Variants in MTA1 observed in about 807,000 individuals in gnomAD.
MTA1 encodes the protein metastasis associated 1, also known as metastasis-associated protein MTA1.
In MTA1, 15 loss-of-function variants were observed where a neutral mutation model predicts 97.0. The observed-to-expected ratio is 0.15, with a 90% CI of 0.10 to 0.24. The LOEUF (loss-of-function observed/expected upper bound fraction) is 0.24, where lower values mean the gene tolerates loss of function less well. MTA1 is among the 10% of genes least tolerant of loss of function. The pLI, the probability that MTA1 is intolerant of heterozygous loss-of-function variation, is 1.00. For synonymous variants in MTA1, 435 were observed against 417.5 expected (o/e 1.04, Z -0.51); for missense variants, 709 against 1,015.1 (o/e 0.70, Z 4.10).
intron 1 of MTA1, among the ~76,000 whole-genome samples, chr14:105,432,433 G>T (rs2082203876): frequency 6.6e-6 from 1 of 152,036 alleles, no homozygotes; most frequent in African/African-American, 2.4e-5. Context: ...TGGAGATGAG[G>T]TTTCACCATG....
At chr14:105,458,587 G>C (rs587749800) in intron 8 of MTA1, among the ~76,000 whole-genome samples, 38 of 152,270 alleles carry the variant, frequency 2.5e-4, no homozygotes, top group South Asian at 1.9e-3. Context: ...CGGCCCTTCT[G>C]GGGGGCAGGC....
intron 2 of MTA1, among the ~76,000 whole-genome samples, chr14:105,444,993 G>T (rs146973637): frequency 1.3e-5 from 2 of 152,108 alleles, no homozygotes; most frequent in African/African-American, 4.8e-5. Context: ...GGTCCCATGC[G>T]GGGGGTCCAG....
At chr14:105,445,577 CCTT>C (rs1408056919) in intron 3 of MTA1, 66 bp downstream of exon 3, 80 of 1,536,202 alleles carry the variant, frequency 5.2e-5, no homozygotes, top group Non-Finnish European at 7.1e-5. Context: ...CTGGCGGGGT[CCTT>C]CTTCCCTAGG....
At chr14:105,428,925 A>G (rs1396641426) in intron 1 of MTA1, among the ~76,000 whole-genome samples, 2 of 151,942 alleles carry the variant, frequency 1.3e-5, no homozygotes, top group African/African-American at 2.4e-5. Context: ...GGGTCTCACT[A>G]TGTTGCCCAC....
In MTA1 at chr14:105,426,268, G is replaced by A. The variant is rs1481451986; in HGVS notation, c.28+6205G>A. ...GGGAGGAAACCAGGGCAGCGGCAGC[G>A]GCTCCTGGTACCAAGCATACCTTAA... is the stretch of plus-strand genomic sequence containing the variant. On this transcript the variant is annotated intron_variant, in intron 1 of 20. Coordinates refer to ENST00000331320, the MANE Select transcript of MTA1 (RefSeq NM_004689.4). Among the ~76,000 whole-genome samples the A allele has an allele frequency of 6.6e-5, 10 of 151,964 alleles. No individual in the cohort carries two copies. In the East Asian group the frequency reaches 1.2e-3, roughly 18 times the overall value.
rs2081871351 is a variant in MTA1 at position 105,422,383 on chromosome 14, G to C, written c.28+2320G>C. 6.6e-6 allele frequency among the ~76,000 whole-genome samples: 1 copy of C among 152,156 alleles called. No individual in the cohort carries two copies. Among genetic ancestry groups the C allele is most frequent in the Non-Finnish European group, 1.5e-5 (1 of 68,030 alleles). ...CAGACAAGAAAGAGGAAGGTGTGCA[G>C]TGTCTCCTGAGCAGCCTTTGTCCGT... On this transcript the variant is annotated intron_variant, in intron 1 of 20. Coordinates refer to ENST00000331320, the MANE Select transcript of MTA1 (RefSeq NM_004689.4). This position sits in a 1 kb window ranked among gnomAD's most constrained non-coding sequence, Gnocchi z 4.3.
intron 1 of MTA1, among the ~76,000 whole-genome samples, chr14:105,427,976 C>A (rs1555422583): frequency 7.0e-6 from 1 of 142,222 alleles, no homozygotes; most frequent in African/African-American, 2.7e-5. Context: ...GGAGATCGCA[C>A]CACTGTACCC....
intron 18 of MTA1, chr14:105,468,133 G>T (rs2083673989): frequency 2.5e-6 from 1 of 392,242 alleles, no homozygotes; most frequent in Non-Finnish European, 5.0e-6. Flanking sequence ...CACGAGGTGG[G>T]GTCTCTGTCC....
intron 2 of MTA1, among the ~76,000 whole-genome samples, chr14:105,442,614 C>T (rs587712224): frequency 1.1e-4 from 17 of 152,312 alleles, no homozygotes; most frequent in South Asian, 2.1e-4. Context: ...GTGGCCTCAC[C>T]GCCTTTACCT....
chr14:105,431,067 A>G (rs1045063909), intron 1 of MTA1, among the ~76,000 whole-genome samples: 1 of 152,212 alleles, frequency 6.6e-6, no homozygotes, highest in Admixed American at 6.5e-5. Flanking sequence ...ACCAGCAGCC[A>G]GTCGGTTATC....
intron 3 of MTA1, among the ~76,000 whole-genome samples, chr14:105,448,468 C>T (rs1036596562): frequency 1.3e-5 from 2 of 152,174 alleles, no homozygotes; most frequent in Admixed American, 6.5e-5. Context: ...ATAGGGCGGG[C>T]GTGAACAAAA....
intron 6 of MTA1, among the ~76,000 whole-genome samples, chr14:105,451,755 C>CT (rs1222730503): frequency 1.3e-5 from 2 of 150,638 alleles, no homozygotes; most frequent in Non-Finnish European, 2.9e-5. Context: ...CGATGCAGCC[C>CT]TTCCCCCCTT....
At chr14:105,468,066 C>G (rs1253024796) in intron 18 of MTA1, 1 of 351,046 alleles carries the variant, frequency 2.8e-6, no homozygotes, top group Non-Finnish European at 5.7e-6. Flanking sequence ...GCGGCCAGGA[C>G]CTGGGCGCTG....
chr14:105,450,911 G>A (rs186449167), intron 6 of MTA1, among the ~76,000 whole-genome samples: 2 of 152,354 alleles, frequency 1.3e-5, no homozygotes, highest in East Asian at 3.9e-4. Context: ...TCCAGCGAAC[G>A]GGAGGGTTGG....
chr14:105,431,941 A>T (rs1240127671), intron 1 of MTA1, among the ~76,000 whole-genome samples: 1 of 152,128 alleles, frequency 6.6e-6, no homozygotes, highest in African/African-American at 2.4e-5. Context: ...AAAGTATTTG[A>T]GTCTGTCATG....
intron 18 of MTA1, chr14:105,468,474 C>A: frequency 1.1e-6 from 1 of 933,088 alleles, no homozygotes. Flanking sequence ...CCCACCTGAC[C>A]CTGCCCGGCA....
chr14:105,441,747 TC>T (rs1313770640), intron 2 of MTA1, among the ~76,000 whole-genome samples: 2 of 151,838 alleles, frequency 1.3e-5, no homozygotes, highest in African/African-American at 2.4e-5. Flanking sequence ...TGAGCCGAGA[TC>T]CCGCCACTAC....
In MTA1 at chr14:105,420,279, C is replaced by T. The variant is rs2141372828; in HGVS notation, c.28+216C>T. 6.7e-6 allele frequency among the ~76,000 whole-genome samples: 1 copy of T among 149,340 alleles called. No homozygotes were observed. Among genetic ancestry groups the T allele is most frequent in the East Asian group, 2.0e-4 (1 of 5,090 alleles). On this transcript the variant is annotated intron_variant, in intron 1 of 20. Transcript: ENST00000331320. This position sits in a 1 kb window ranked among gnomAD's most constrained non-coding sequence, Gnocchi z 5.3. Reference sequence around the variant, plus strand: ...ATCGGGGGCGGGCGGGGCTCGGCGGCCCGGGGGTGGGGGGCGGCCCACCTG... The same window carrying T: ...ATCGGGGGCGGGCGGGGCTCGGCGGTCCGGGGGTGGGGGGCGGCCCACCTG...
chr14:105,450,044 TC>T lies in MTA1; in HGVS notation c.242-12del. 6.2e-7 allele frequency: 1 copy of T among 1,613,394 alleles called. No individual in the cohort carries two copies. The highest frequency in any genetic ancestry group is 8.5e-7 in the Non-Finnish European group (1 of 1,179,836). Reference sequence around the variant, plus strand: ...CGTCTGCCGCGGTGCTGACAGGGGCTCCTTGTCCTTCAGGGGAAATAGAAGA... The same window carrying T: ...CGTCTGCCGCGGTGCTGACAGGGGCTCTTGTCCTTCAGGGGAAATAGAAGA... On this transcript the variant is annotated splice_polypyrimidine_tract_variant and intron_variant, in intron 4 of 20. Transcript: ENST00000331320.
Sources: allele counts gnomAD v4.1 joint callset (sites outside exome capture counted in the v4.1 genomes callset), GRCh38; gene constraint gnomAD v4.1.1; non-coding constraint Gnocchi (gnomAD v3.1); transcripts MANE v1.5; gene names NCBI Gene and HGNC (gene_info 2026-07-23, HGNC 2026-07-21).